Variants in ERCC6L2 observed in about 807,000 individuals in gnomAD.
ERCC6L2 encodes the protein DNA excision repair protein ERCC-6-like 2.
ERCC6L2 carries 77 observed loss-of-function variants against 132.0 expected under a neutral mutation model. The observed-to-expected ratio is 0.58, with a 90% CI of 0.49 to 0.71. The LOEUF is 0.71. Ranked by LOEUF, ERCC6L2 falls within the 30% of genes least tolerant of loss-of-function variation. ERCC6L2 has a pLI of 0.00. For synonymous variants in ERCC6L2, 583 were observed against 632.4 expected, an observed-to-expected ratio of 0.92 and a Z score of 1.17; for missense variants, 1,542 against 1,837.6, an observed-to-expected ratio of 0.84 and a Z score of 2.94.
chr9:95,933,018 T>G (rs1278311872), intron 11 of ERCC6L2, among the ~76,000 whole-genome samples: 1 of 152,126 alleles, frequency 6.6e-6, no homozygotes, highest in Non-Finnish European at 1.5e-5. Flanking sequence ...GTCTAGGGCC[T>G]TTTTCTTCTT....
At chr9:95,975,443 T>C (rs941733586) in intron 16 of ERCC6L2, among the ~76,000 whole-genome samples, 1 of 151,462 alleles carries the variant, frequency 6.6e-6, no homozygotes, top group Non-Finnish European at 1.5e-5. Flanking sequence ...TTTGTTTTCT[T>C]CTGGCATAAA....
At chr9:95,965,482 A>G (rs1202215035) in intron 13 of ERCC6L2, among the ~76,000 whole-genome samples, 2 of 151,996 alleles carry the variant, frequency 1.3e-5, no homozygotes, top group African/African-American at 2.4e-5. Flanking sequence ...GTGCAAATGA[A>G]CTCTGATGAT....
intron 3 of ERCC6L2, among the ~76,000 whole-genome samples, chr9:95,899,133 C>T (rs1185378472): frequency 1.3e-5 from 2 of 151,814 alleles, no homozygotes; most frequent in Non-Finnish European, 2.9e-5. Context: ...TATTAAAATA[C>T]TTAAAGATAT....
chr9:96,027,421 G>A (rs934915650), intron 19 of ERCC6L2, among the ~76,000 whole-genome samples: 3 of 152,298 alleles, frequency 2.0e-5, no homozygotes, highest in Non-Finnish European at 4.4e-5. Context: ...GCGACTGGGC[G>A]AGGGAGGAAA....
intron 2 of ERCC6L2, among the ~76,000 whole-genome samples, chr9:95,884,544 T>C (rs553239125): frequency 6.6e-6 from 1 of 152,186 alleles, no homozygotes; most frequent in South Asian, 2.1e-4. Context: ...CCTTTTTATA[T>C]TCTAATTTGG....
intron 15 of ERCC6L2, among the ~76,000 whole-genome samples, 154 bp downstream of exon 15, chr9:95,970,810 A>G (rs564106924): frequency 7.2e-5 from 11 of 152,184 alleles, no homozygotes; most frequent in Non-Finnish European, 1.6e-4. Context: ...AAAATTAATA[A>G]TTAAGGCTGA....
rs1270371171 is a variant in ERCC6L2, at chr9:95,978,231, G to A, written c.3492+16G>A. ...CAGTTCTAAGGTAAGAAAAATATAG[G>A]GTAGTATCATCTTTAGTTACCTCAT... is the stretch of plus-strand genomic sequence containing the variant. On this transcript the variant is annotated intron_variant, in intron 17 of 18. Coordinates refer to ENST00000653738, the MANE Select transcript of ERCC6L2 (RefSeq NM_020207.7). 1 of 1,342,876 alleles carries A rather than the reference G, an allele frequency of 7.4e-7. No individual in the cohort carries two copies. Among genetic ancestry groups the A allele is most frequent in the African/African-American group, 1.5e-5 (1 of 66,980 alleles). The allele number at this position is 1,342,876 out of a possible 1,614,324, so 83.2% of individuals were successfully genotyped here. A position where few individuals can be genotyped will look rare whatever the true frequency, so the allele number is the denominator to read the frequency against.
chr9:95,985,554 A>T (rs577149588), intron 17 of ERCC6L2, among the ~76,000 whole-genome samples: 7 of 152,328 alleles, frequency 4.6e-5, no homozygotes, highest in Non-Finnish European at 7.4e-5. Context: ...AAATCCATTC[A>T]AGAAGAGAGA....
At position 95,972,827 on chromosome 9, in the gene ERCC6L2, G is replaced by C. The variant is rs149922601; in HGVS notation, c.3076G>C (p.Val1026Leu). The change falls in exon 16 of 19, where the codon GTG becomes CTG. Residue 1026 changes from valine to leucine, a missense_variant. Physicochemically the swap from Val to Leu is conservative, Grantham distance 32. Coordinates refer to ENST00000653738, the MANE Select transcript of ERCC6L2 (RefSeq NM_020207.7). ...SPKTMNKTNQ[V>L]YAANEDHNSQ... ...CAAAACAATGAACAAAACAAACCAA[G>C]TGTATGCAGCAAATGAGGATCATAA... The C allele has an allele frequency of 1.0e-3, 1,324 of 1,304,914 alleles. 11 individuals are homozygous for C. The African/African-American group carries it at 0.018, about 17-fold the overall frequency. 80.8% of individuals were successfully genotyped at this position (1,304,914 alleles called of 1,614,324 possible).
intron 4 of ERCC6L2, among the ~76,000 whole-genome samples, chr9:95,911,557 T>G (rs1242353409): frequency 2.6e-5 from 4 of 152,138 alleles, no homozygotes; most frequent in African/African-American, 9.6e-5. Flanking sequence ...TAGTTGAATT[T>G]ATTTGTTCAA....
chr9:96,032,453 G>A (rs1564313283), intron 19 of ERCC6L2, among the ~76,000 whole-genome samples: 1 of 152,308 alleles, frequency 6.6e-6, no homozygotes, highest in Admixed American at 6.5e-5. Context: ...GCATGAATTG[G>A]CTGGAGGGCC....
Position 95,876,080 on chromosome 9 carries a change from C to G in ERCC6L2, c.42C>G (p.Gly14=). ...CACAGCCCCGCGCGGAAACCTCAGG[C>G]AAAGGTACCAGCTCCGCGCTCGCCC... ...SAPQPRAETS[G]KDIWHPGERC... Residue 14 remains glycine (G), a synonymous_variant, in exon 1 of 19, where the codon GGC becomes GGG. Coordinates refer to ENST00000653738, the MANE Select transcript of ERCC6L2 (RefSeq NM_020207.7). The G allele has an allele frequency of 6.3e-7, 1 of 1,577,628 alleles. No individual in the cohort carries two copies.
At chr9:95,937,408 A>G (rs1725209485) in intron 11 of ERCC6L2, among the ~76,000 whole-genome samples, 1 of 152,118 alleles carries the variant, frequency 6.6e-6, no homozygotes, top group South Asian at 2.1e-4. Context: ...TGCTTCTTGT[A>G]TAAAGCTGGT....
chr9:95,929,703 ATTTT>A (rs1830253944), intron 11 of ERCC6L2, among the ~76,000 whole-genome samples: 1 of 152,222 alleles, frequency 6.6e-6, no homozygotes, highest in African/African-American at 2.4e-5. Context: ...TTGGATTCCC[ATTTT>A]CCTATAAAGG....
intron 2 of ERCC6L2, among the ~76,000 whole-genome samples, chr9:95,883,809 GA>G (rs1827723927): frequency 6.6e-6 from 1 of 152,214 alleles, no homozygotes; most frequent in Non-Finnish European, 1.5e-5. Context: ...AGTAAGTCGA[GA>G]TTGTGCCACT....
In ERCC6L2 at chr9:95,877,217, A is replaced by G. The variant is rs1470376866; in HGVS notation, c.46+1133A>G. On this transcript the variant is annotated intron_variant, in intron 1 of 18. Coordinates refer to ENST00000653738, the MANE Select transcript of ERCC6L2 (RefSeq NM_020207.7). ...AACAGGAAATCTTAACAATTTAAGCAGTTGTTCTGTAGTTTGGATACTGAG... is the reference window on the plus strand; with the variant it reads ...AACAGGAAATCTTAACAATTTAAGCGGTTGTTCTGTAGTTTGGATACTGAG... 2.0e-5 allele frequency: 3 copies of G among 152,234 alleles called. No homozygotes were observed. In the South Asian group the frequency reaches 6.2e-4, roughly 31 times the overall value. The allele number at this position is 152,234 out of a possible 1,614,324, so 9.4% of individuals were successfully genotyped here.
intron 18 of ERCC6L2, among the ~76,000 whole-genome samples, chr9:96,010,316 G>A (rs991310757): frequency 6.6e-6 from 1 of 152,220 alleles, no homozygotes; most frequent in African/African-American, 2.4e-5. Flanking sequence ...AAAGTTGTGA[G>A]TGTGCTTTAT....
chr9:96,031,739 C>T (rs1303660304), intron 19 of ERCC6L2, among the ~76,000 whole-genome samples: 1 of 152,150 alleles, frequency 6.6e-6, no homozygotes, highest in Non-Finnish European at 1.5e-5. Flanking sequence ...CGTCACTTCC[C>T]ACCATCCCTG....
intron 16 of ERCC6L2, among the ~76,000 whole-genome samples, chr9:95,977,553 T>A (rs1230366525): frequency 6.6e-6 from 1 of 152,176 alleles, no homozygotes; most frequent in Non-Finnish European, 1.5e-5. Flanking sequence ...TAAAAAGCTC[T>A]CATCTTGACA....
Sources: gnomAD v4.1 joint callset for allele counts (sites outside exome capture counted in the v4.1 genomes callset) on GRCh38, gnomAD v4.1.1 for gene constraint, MANE v1.5 for transcripts, NCBI Gene and HGNC (gene_info 2026-07-23, HGNC 2026-07-21) for gene names.